The following AGAP1 variants were observed in gnomAD, a reference collection of about 807,000 sequenced individuals.
The protein encoded by AGAP1 is arf-GAP with GTPase, ANK repeat and PH domain-containing protein 1.
Under a neutral mutation model 105.3 loss-of-function variants are expected in AGAP1, and 29 were observed. The ratio of observed to expected loss-of-function variants is 0.28; its 90% CI spans 0.21 to 0.38. The LOEUF (loss-of-function observed/expected upper bound fraction) is 0.38. AGAP1 is among the 10% of genes least tolerant of loss of function. The pLI is 1.00. For synonymous variants in AGAP1, 509 were observed against 485.9 expected (o/e 1.05, Z -0.63); for missense variants, 998 against 1,165.1 (o/e 0.86, Z 2.09).
At chr2:236,097,121 GTAAAGTGCTTTACTTTTTT>G in intron 16 of AGAP1, among the ~76,000 whole-genome samples, 1 of 152,152 alleles carries the variant, frequency 6.6e-6, no homozygotes, top group East Asian at 1.9e-4. Context: ...AGTTTTTATA[GTAAAGTGCTTTACTTTTTT>G]CAGCATTTGG....
chr2:235,944,830 G>A (rs1038577974), intron 12 of AGAP1, among the ~76,000 whole-genome samples: 6 of 152,122 alleles, frequency 3.9e-5, no homozygotes, highest in South Asian at 2.1e-4. Flanking sequence ...GTGAGGCTGC[G>A]GCATCGATTC....
Position 235,550,844 on chromosome 2 carries a change from G to A in AGAP1, c.163+55995G>A, listed in dbSNP as rs899971826. ...GGCTGGAGTGCAGTGGCACTGTCTC[G>A]GCTCACTACAACCTCCACCTCCTGG... On this transcript the variant is annotated intron_variant, in intron 1 of 17. Coordinates refer to ENST00000304032, the MANE Select transcript of AGAP1 (RefSeq NM_001037131.3). This position sits in a 1 kb window ranked among gnomAD's most constrained non-coding sequence, Gnocchi z 4.6. Among the ~76,000 whole-genome samples, 3 of 151,812 alleles carry A rather than the reference G, an allele frequency of 2.0e-5. No homozygotes were observed. The highest frequency in any genetic ancestry group is 4.8e-5 in the African/African-American group (2 of 41,302).
chr2:236,057,557 C>A (rs553443387), intron 16 of AGAP1, among the ~76,000 whole-genome samples: 2 of 152,156 alleles, frequency 1.3e-5, no homozygotes, highest in Admixed American at 6.5e-5. Flanking sequence ...TAGAGCCCCC[C>A]CCTCAACCCC....
chr2:235,808,749 A>G (rs1199047475), intron 9 of AGAP1, among the ~76,000 whole-genome samples: 3 of 152,292 alleles, frequency 2.0e-5, no homozygotes, highest in Non-Finnish European at 4.4e-5. Flanking sequence ...GGCCGCAAAT[A>G]TATGGATTGG....
Position 236,124,162 on chromosome 2 carries a change from G to A in AGAP1, c.*40G>A, listed in dbSNP as rs756253916. On this transcript the variant is annotated 3_prime_UTR_variant, in exon 18 of 18. Transcript: ENST00000304032. This position sits in a 1 kb window ranked among gnomAD's most constrained non-coding sequence, Gnocchi z 5.1. ...CGCCTGCTCGCCGCACCTGGGACGC[G>A]GCAGCCTCGCCGCATTCTCGCTCAG... 1.9e-5 allele frequency: 31 copies of A among 1,601,354 alleles called. No homozygotes were observed. Among genetic ancestry groups the A allele is most frequent in the South Asian group, 1.4e-4 (13 of 90,318 alleles).
intron 7 of AGAP1, among the ~76,000 whole-genome samples, chr2:235,798,872 A>C: frequency 7.6e-6 from 1 of 131,048 alleles, no homozygotes; most frequent in Non-Finnish European, 1.5e-5. Flanking sequence ...CCCTGTCTCA[A>C]AAAAAAAAAA....
chr2:235,970,354 C>T lies in AGAP1; in HGVS notation c.1645+1731C>T, dbSNP rs545632833. On this transcript the variant is annotated intron_variant, in intron 13 of 17. Coordinates refer to ENST00000304032, the MANE Select transcript of AGAP1 (RefSeq NM_001037131.3). The surrounding 1 kb of genome is among the most constrained non-coding windows in gnomAD (Gnocchi z 5.4). ...CCTTCCCACTGAAAACAGTATCAGCCGCAGGCGCTCTGTGTTGGTAAGACT... is the reference window on the plus strand; with the variant it reads ...CCTTCCCACTGAAAACAGTATCAGCTGCAGGCGCTCTGTGTTGGTAAGACT... Among the ~76,000 whole-genome samples, 15 of 152,234 alleles carry T rather than the reference C, an allele frequency of 9.9e-5. No individual in the cohort carries two copies. In the East Asian group the frequency reaches 1.9e-3, roughly 20 times the overall value.
At position 235,759,817 on chromosome 2, in the gene AGAP1, T is replaced by C. The variant is rs539350372; in HGVS notation, c.673+9329T>C. 7.9e-5 allele frequency among the ~76,000 whole-genome samples: 12 copies of C among 152,310 alleles called. No homozygotes were observed. In the South Asian group the frequency reaches 1.9e-3, roughly 24 times the overall value. On this transcript the variant is annotated intron_variant, in intron 6 of 17. Coordinates refer to ENST00000304032, the MANE Select transcript of AGAP1 (RefSeq NM_001037131.3). ...TCAGTTCTTAACCAAAGAAGCTCTT[T>C]CTACAACAGGGTTAAATTATAAACT...
rs1226241250 is a variant in AGAP1, at chr2:235,739,960, C to T, written c.311-1003C>T. On this transcript the variant is annotated intron_variant, in intron 3 of 17. Transcript: ENST00000304032. This position sits in a 1 kb window ranked among gnomAD's most constrained non-coding sequence, Gnocchi z 5.3. Reference sequence around the variant, plus strand: ...TGGGTCCAGCGATTTGGGGTTTAGACAGGGTTTCTGGACGGCATCTGCACA... The same window carrying T: ...TGGGTCCAGCGATTTGGGGTTTAGATAGGGTTTCTGGACGGCATCTGCACA... Among the ~76,000 whole-genome samples the T allele has an allele frequency of 6.6e-6, 1 of 152,210 alleles. No homozygotes were observed. The highest frequency in any genetic ancestry group is 1.5e-5 in the Non-Finnish European group (1 of 68,040).
At chr2:235,618,321 G>A (rs974517773) in intron 1 of AGAP1, among the ~76,000 whole-genome samples, 3 of 152,172 alleles carry the variant, frequency 2.0e-5, no homozygotes, top group African/African-American at 7.2e-5. Flanking sequence ...TTTTTCGGGA[G>A]CAGTTGGTTT....
chr2:235,518,264 T>G (rs978996112), intron 1 of AGAP1, among the ~76,000 whole-genome samples: 2 of 151,714 alleles, frequency 1.3e-5, no homozygotes, highest in East Asian at 3.8e-4. Context: ...GATTGGATGC[T>G]TATCAGGAAT....
intron 1 of AGAP1, among the ~76,000 whole-genome samples, chr2:235,540,148 CTTT>C (rs535395155): frequency 0.011 from 1,450 of 129,074 alleles, 25 homozygotes; most frequent in African/African-American, 0.04. Flanking sequence ...CCTCTCTCCT[CTTT>C]TTTTTTTTTT....
chr2:236,117,369 G>A (rs2059795455), intron 16 of AGAP1, among the ~76,000 whole-genome samples: 1 of 152,194 alleles, frequency 6.6e-6, no homozygotes, highest in Admixed American at 6.5e-5. Context: ...GTATCAGCTT[G>A]TCAGTTCGGA....
rs1467367846 is a variant in AGAP1 at position 235,793,640 on chromosome 2, G to A, written c.674-4119G>A. Among the ~76,000 whole-genome samples the A allele has an allele frequency of 6.6e-6, 1 of 152,132 alleles. No individual in the cohort carries two copies. The highest frequency in any genetic ancestry group is 1.5e-5 in the Non-Finnish European group (1 of 68,024). On this transcript the variant is annotated intron_variant, in intron 6 of 17. Coordinates refer to ENST00000304032, the MANE Select transcript of AGAP1 (RefSeq NM_001037131.3). The surrounding 1 kb of genome is among the most constrained non-coding windows in gnomAD (Gnocchi z 5.3). ...AGTGTGGGCCGCCTAGCCCTGCTCAGCCTTTGAGCAGCAAAAAGGAGGAAG... is the reference window on the plus strand; with the variant it reads ...AGTGTGGGCCGCCTAGCCCTGCTCAACCTTTGAGCAGCAAAAAGGAGGAAG...
Position 235,951,370 on chromosome 2 carries a change from T to C in AGAP1, c.1484-17092T>C, listed in dbSNP as rs1261518084. On this transcript the variant is annotated intron_variant, in intron 12 of 17. Coordinates refer to ENST00000304032, the MANE Select transcript of AGAP1 (RefSeq NM_001037131.3). The surrounding 1 kb of genome is among the most constrained non-coding windows in gnomAD (Gnocchi z 4.2). ...CAGCAGTTACCAGCCCCAGGTACGA[T>C]TATGGACAATGCTGTCAGTCATCGT... 6.9e-6 allele frequency among the ~76,000 whole-genome samples: 1 copy of C among 145,384 alleles called. No individual in the cohort carries two copies. Among genetic ancestry groups the C allele is most frequent in the Non-Finnish European group, 1.5e-5 (1 of 67,994 alleles).
intron 6 of AGAP1, among the ~76,000 whole-genome samples, chr2:235,759,386 G>C (rs572936837): frequency 6.7e-6 from 1 of 149,766 alleles, no homozygotes; most frequent in African/African-American, 2.5e-5. Flanking sequence ...AGCCAGGATG[G>C]TCTTGATCTC....
chr2:235,617,968 G>A (rs185905807), intron 1 of AGAP1, among the ~76,000 whole-genome samples: 6 of 152,156 alleles, frequency 3.9e-5, no homozygotes, highest in Admixed American at 2.0e-4. Context: ...TGTAGGGGCC[G>A]GCGAGTTAAC....
intron 1 of AGAP1, among the ~76,000 whole-genome samples, chr2:235,641,163 G>T (rs955745594): frequency 6.6e-6 from 1 of 152,012 alleles, no homozygotes; most frequent in Non-Finnish European, 1.5e-5. Context: ...AATGGAGTTG[G>T]TCAGACCTAC....
intron 1 of AGAP1, among the ~76,000 whole-genome samples, chr2:235,643,300 G>A (rs753156276): frequency 1.1e-4 from 16 of 151,714 alleles, no homozygotes; most frequent in Admixed American, 2.0e-4. Context: ...GTGTGGTGGC[G>A]GGCACCTGTA....
Sources: allele counts gnomAD v4.1 joint callset (sites outside exome capture counted in the v4.1 genomes callset), GRCh38; gene constraint gnomAD v4.1.1; non-coding constraint Gnocchi (gnomAD v3.1); transcripts MANE v1.5; gene names NCBI Gene and HGNC (gene_info 2026-07-23, HGNC 2026-07-21).